The following COL6A1 variants were observed in gnomAD, a reference collection of about 807,000 sequenced individuals.
The protein encoded by COL6A1 is collagen alpha-1(VI) chain.
Under a neutral mutation model 145.6 loss-of-function variants are expected in COL6A1, and 80 were observed. That is an observed-to-expected ratio of 0.55 (90% confidence interval 0.46 to 0.66). COL6A1 has a LOEUF of 0.66. COL6A1 is among the 30% of genes least tolerant of loss of function. COL6A1 has a pLI of 0.00. For synonymous variants in COL6A1, 638 were observed against 622.8 expected (o/e 1.02, Z -0.36); for missense variants, 1,364 against 1,473.8 (o/e 0.93, Z 1.22).
chr21:45,987,400 T>C, intron 6 of COL6A1, 99 bp from the exon 7 acceptor site: 1 of 1,560,326 alleles, frequency 6.4e-7, no homozygotes, highest in Non-Finnish European at 8.8e-7. Context: ...TCCATCCGTG[T>C]GTCCGTCTGC....
intron 3 of COL6A1, 73 bp downstream of exon 3, chr21:45,984,542 G>A (rs1323860314): frequency 3.4e-6 from 5 of 1,467,226 alleles, no homozygotes; most frequent in Non-Finnish European, 4.7e-6. Flanking sequence ...GGTTGGCCTG[G>A]GGTCCCTGTG....
At position 46,004,021 on chromosome 21, in the gene COL6A1, T is replaced by G. The variant is rs886042400; in HGVS notation, c.*8T>G. 5 of 1,612,890 alleles carry G rather than the reference T, an allele frequency of 3.1e-6. No homozygotes were observed. The highest frequency in any genetic ancestry group is 3.4e-6 in the Non-Finnish European group (4 of 1,179,994). On this transcript the variant is annotated 3_prime_UTR_variant, in exon 35 of 35. Transcript: ENST00000361866. ...AAGGTGGCGCTGGGCTAGCCCACCCTGCACGCCGGCACCAAACCCTGTCCT... is the reference window on the plus strand; with the variant it reads ...AAGGTGGCGCTGGGCTAGCCCACCCGGCACGCCGGCACCAAACCCTGTCCT...
chr21:45,981,850 C>A lies in COL6A1; in HGVS notation c.-1C>A. On this transcript the variant is annotated 5_prime_UTR_variant, in exon 1 of 35. Coordinates refer to ENST00000361866, the MANE Select transcript of COL6A1 (RefSeq NM_001848.3). ...CTGTGTGGTGACCGCAGGCCCCAGA[C>A]ATGAGGGCGGCCCGTGCTCTGCTGC... 1 of 1,582,956 alleles carries A rather than the reference C, an allele frequency of 6.3e-7. No individual in the cohort carries two copies. Among genetic ancestry groups the A allele is most frequent in the Non-Finnish European group, 8.6e-7 (1 of 1,167,066 alleles).
At chr21:45,990,867 G>A in intron 14 of COL6A1, 41 bp downstream of exon 14, 2 of 1,611,748 alleles carry the variant, frequency 1.2e-6, no homozygotes, top group Non-Finnish European at 1.7e-6. Context: ...AACTAGCGCT[G>A]TCAGCAGCAC....
At chr21:45,995,187 C>T (rs2077798023) in intron 20 of COL6A1, among the ~76,000 whole-genome samples, 1 of 152,196 alleles carries the variant, frequency 6.6e-6, no homozygotes, top group Non-Finnish European at 1.5e-5. Context: ...GCTTGGCAGG[C>T]GGGGTCTGGG....
In COL6A1 at chr21:46,002,363, A is replaced by C; in HGVS notation, c.2212A>C (p.Thr738Pro). The stretch of plus-strand genomic sequence containing the variant: ...CGGGCGCTCAGACACTCAGAGGGAC[A>C]CCACACCGCTCAACGTGCTCTGCAG... ...TDGRSDTQRD[T>P]TPLNVLCSPG... Residue 738 changes from threonine (T) to proline (P), a missense_variant, in exon 32 of 35, where the codon ACC becomes CCC. Transcript: ENST00000361866. 6.3e-7 allele frequency: 1 copy of C among 1,594,196 alleles called. No individual in the cohort carries two copies. Among genetic ancestry groups the C allele is most frequent in the Non-Finnish European group, 8.5e-7 (1 of 1,170,920 alleles).
rs566453317 is a variant in COL6A1, at chr21:46,003,474, C to A, written c.2548C>A (p.Arg850Ser). The stretch of plus-strand genomic sequence containing the variant: ...CAGCCACAACTTTGACACCACCAAG[C>A]GCTTCGCCAAGCGCCTGGCCGAGCG... ...VGSHNFDTTK[R>S]FAKRLAERFL... The change falls in exon 35 of 35, where the codon CGC becomes AGC. Residue 850 changes from arginine to serine, a missense_variant. Coordinates refer to ENST00000361866, the MANE Select transcript of COL6A1 (RefSeq NM_001848.3). The A allele has an allele frequency of 3.3e-5, 53 of 1,608,962 alleles. No homozygotes were observed. The East Asian group carries it at 8.2e-4, about 25-fold the overall frequency.
chr21:46,001,071 G>C (rs901659998), intron 29 of COL6A1, 182 bp from the exon 30 acceptor site: 4 of 889,986 alleles, frequency 4.5e-6, no homozygotes, highest in South Asian at 3.4e-5. Context: ...CTGACCAGCC[G>C]CCGGACAGAG....
chr21:45,992,527 C>T (rs1230249884), intron 18 of COL6A1, 129 bp downstream of exon 18: 1 of 1,204,750 alleles, frequency 8.3e-7, no homozygotes. Context: ...TGGGTTTCTT[C>T]ACCCACACGT....
In COL6A1 at chr21:45,984,277, G is replaced by A. The variant is rs768212224; in HGVS notation, c.236G>A (p.Arg79His). 1.5e-5 allele frequency: 24 copies of A among 1,607,226 alleles called. No homozygotes were observed. In the African/African-American group the frequency reaches 2.1e-4, roughly 14 times the overall value. The change falls in exon 3 of 35, where the codon CGC becomes CAC. Residue 79 changes from arginine to histidine, a missense_variant. Coordinates refer to ENST00000361866, the MANE Select transcript of COL6A1 (RefSeq NM_001848.3). ...FIDNLRDRYYRCDRNLVWNAG... is the reference protein window; with the variant it reads ...FIDNLRDRYYHCDRNLVWNAG... The stretch of plus-strand genomic sequence containing the variant: ...GTGCCTGTTCCTGGCAGGTACTACC[G>A]CTGTGACCGAAACCTGGTGTGGAAC...
intron 30 of COL6A1, 49 bp from the exon 31 acceptor site, chr21:46,001,912 G>GCGGA: frequency 6.5e-7 from 1 of 1,539,832 alleles, no homozygotes; most frequent in African/African-American, 1.4e-5. Context: ...GGAAGCTTAT[G>GCGGA]CGGACCTGGG....
At chr21:45,984,893 GAGAGAGAC>G (rs557357418) in intron 3 of COL6A1, among the ~76,000 whole-genome samples, 31 of 150,274 alleles carry the variant, frequency 2.1e-4, no homozygotes, top group Non-Finnish European at 3.7e-4. Context: ...GAGACAGGCA[GAGAGAGAC>G]AGAGAGACAG....
Position 45,986,682 on chromosome 21 carries a change from C to T in COL6A1, c.585C>T (p.His195=). ...KVFSVAITPD[H]LEPRLSIIAT... ...TCTCGGTGGCCATCACACCCGACCA[C>T]CTGGTAGGCACCGGCCCCCCCCGGC... is the stretch of plus-strand genomic sequence containing the variant. Residue 195 remains histidine, a synonymous_variant, in exon 4 of 35, where the codon CAC becomes CAT. Transcript: ENST00000361866. The T allele has an allele frequency of 6.5e-7, 1 of 1,546,570 alleles. No homozygotes were observed. The highest frequency in any genetic ancestry group is 1.2e-5 in the South Asian group (1 of 84,010).
Position 46,002,086 on chromosome 21 carries a change from G to T in COL6A1, c.2066+16G>T, listed in dbSNP as rs374395304. 1.6e-5 allele frequency: 26 copies of T among 1,604,236 alleles called. No homozygotes were observed. Among genetic ancestry groups the T allele is most frequent in the Non-Finnish European group, 2.0e-5 (24 of 1,176,740 alleles). ...AGCTCAAGGAGTGAGTGCCCCACGC[G>T]GCCAGGACCCTCCCACCCCTCGCCC... On this transcript the variant is annotated intron_variant, in intron 31 of 34. Coordinates refer to ENST00000361866, the MANE Select transcript of COL6A1 (RefSeq NM_001848.3).
chr21:45,989,028 C>T, intron 8 of COL6A1, 56 bp from the exon 9 acceptor site: 1 of 1,592,176 alleles, frequency 6.3e-7, no homozygotes, highest in East Asian at 2.2e-5. Flanking sequence ...GTTTCGTGAG[C>T]CAGCTTTTTA....
chr21:45,993,588 A>G (rs888269365), intron 19 of COL6A1, among the ~76,000 whole-genome samples: 5 of 152,224 alleles, frequency 3.3e-5, no homozygotes, highest in African/African-American at 1.2e-4. Context: ...AGGGCCAGAG[A>G]GCTGAGCCGG....
In COL6A1 at chr21:46,003,474, C is replaced by T. The variant is rs566453317; in HGVS notation, c.2548C>T (p.Arg850Cys). 12 of 1,608,844 alleles carry T rather than the reference C, an allele frequency of 7.5e-6. No individual in the cohort carries two copies. The highest frequency in any genetic ancestry group is 3.3e-5 in the Admixed American group (2 of 59,960). Residue 850 changes from arginine (R) to cysteine (C), a missense_variant, in exon 35 of 35, where the codon CGC (arginine) becomes TGC (cysteine). Physicochemically the swap from Arg to Cys is radical, Grantham distance 180 (BLOSUM62 -3). This residue lies in a region of COL6A1 where 938 missense variants were observed against 1,003.8 expected (regional missense o/e 0.93). Coordinates refer to ENST00000361866, the MANE Select transcript of COL6A1 (RefSeq NM_001848.3). Reference protein sequence around the residue: ...VGSHNFDTTKRFAKRLAERFL... With the variant: ...VGSHNFDTTKCFAKRLAERFL... ...CAGCCACAACTTTGACACCACCAAGCGCTTCGCCAAGCGCCTGGCCGAGCG... is the reference window on the plus strand; with the variant it reads ...CAGCCACAACTTTGACACCACCAAGTGCTTCGCCAAGCGCCTGGCCGAGCG...
chr21:45,992,063 TGGAGACGAGGTGA>T lies in COL6A1; in HGVS notation c.1178_1182+8del. 1 of 1,612,114 alleles carries T rather than the reference TGGAGACGAGGTGA, an allele frequency of 6.2e-7. No homozygotes were observed. The highest frequency in any genetic ancestry group is 8.5e-7 in the Non-Finnish European group (1 of 1,179,454). ...GGAGACCAGGGAGCTCGGGACCATCTGGAGACGAGGTGAGGAGCTTCACAGCCCCCACACATGC... is the reference window on the plus strand; with the variant it reads ...GGAGACCAGGGAGCTCGGGACCATCTGGAGCTTCACAGCCCCCACACATGC... On this transcript the variant is annotated splice_donor_variant and splice_donor_region_variant and coding_sequence_variant and intron_variant, in exon 16 of 35. Transcript: ENST00000361866. LOFTEE classifies it high-confidence loss of function.
At position 45,998,421 on chromosome 21, in the gene COL6A1, T is replaced by C. The variant is rs776197252; in HGVS notation, c.1599T>C (p.Ala533=). 2 of 1,613,204 alleles carry C rather than the reference T, an allele frequency of 1.2e-6. No homozygotes were observed. Among genetic ancestry groups the C allele is most frequent in the Non-Finnish European group, 1.7e-6 (2 of 1,179,996 alleles). The change falls in exon 24 of 35, where the codon GCT becomes GCC. Residue 533 remains alanine, a synonymous_variant. Coordinates refer to ENST00000361866, the MANE Select transcript of COL6A1 (RefSeq NM_001848.3). ...GFPGYPGNRG[A]PGINGTKGYP... ...AGGGGTATCCGGGCAACAGGGGCGC[T>C]CCCGGGATAAACGTGAGTACGCCCC...
Sources: gnomAD v4.1 joint callset for allele counts (sites outside exome capture counted in the v4.1 genomes callset) on GRCh38, gnomAD v4.1.1 for gene constraint, gnomAD v4.1.1 regional missense constraint, MANE v1.5 for transcripts, NCBI Gene and HGNC (gene_info 2026-07-23, HGNC 2026-07-21) for gene names.